NPC1: variants seen among roughly 807,000 people sequenced by gnomAD.
NPC1 encodes Niemann-Pick C1 protein.
Under a neutral mutation model 140.4 loss-of-function variants are expected in NPC1, and 85 were observed. The observed-to-expected ratio is 0.61, with a 90% CI of 0.51 to 0.72. The LOEUF is 0.72. Among genes scored for constraint, NPC1 ranks in the 30% least tolerant of loss-of-function variants. NPC1 has a pLI of 0.00. For synonymous variants in NPC1, 656 were observed against 624.8 expected (o/e 1.05, Z -0.74); for missense variants, 1,504 against 1,623.8 (o/e 0.93, Z 1.27).
At chr18:23,544,296 C>T (rs930197810) in intron 13 of NPC1, 48 bp downstream of exon 13, 12 of 1,584,478 alleles carry the variant, frequency 7.6e-6, no homozygotes, top group Non-Finnish European at 1.0e-5. Context: ...ATTCACAGTC[C>T]CTGAAACTTG....
chr18:23,538,061 G>C (rs11665096), intron 20 of NPC1, among the ~76,000 whole-genome samples: 72,322 of 151,982 alleles, frequency 0.48, 17,521 homozygotes, highest in East Asian at 0.63. Context: ...CTGGCTGGAT[G>C]GGGGAGTGAG....
Position 23,572,180 on chromosome 18 carries a change from C to T in NPC1, c.181G>A (p.Glu61Lys). Residue 61 changes from glutamate (E) to lysine (K), a missense_variant and splice_region_variant, in exon 3 of 25, where the codon GAA (glutamate) becomes AAA (lysine). Coordinates refer to ENST00000269228, the MANE Select transcript of NPC1 (RefSeq NM_000271.5). ...LPKDGYDLVQ[E>K]LCPGFFFGNV... is the part of the protein sequence containing the mutation. ...CCAAAGAAGAATCCTGGACAGAGTT[C>T]CTTTCAGGTGAAAGAGCACAGACAC... is the stretch of plus-strand genomic sequence containing the variant. 6.2e-7 allele frequency: 1 copy of T among 1,611,200 alleles called. No individual in the cohort carries two copies. Among genetic ancestry groups the T allele is most frequent in the Non-Finnish European group, 8.5e-7 (1 of 1,177,806 alleles).
rs1423591589 is a variant in NPC1, at chr18:23,538,634, A to T, written c.2949T>A (p.Thr983=). The change falls in exon 20 of 25, where the codon ACT becomes ACA. Residue 983 remains threonine (T), a synonymous_variant. Coordinates refer to ENST00000269228, the MANE Select transcript of NPC1 (RefSeq NM_000271.5). The stretch of plus-strand genomic sequence containing the variant: ...CCTGAGGCCTCTGTTTGCCTTCCGG[A>T]GTCAGAGGCCTGCAGCGAACGCAGG... ...DPACVRCRPL[T]PEGKQRPQGG... is the part of the protein sequence containing the mutation. 2.5e-6 allele frequency: 4 copies of T among 1,614,180 alleles called. No individual in the cohort carries two copies. In the South Asian group the frequency reaches 4.4e-5, roughly 18 times the overall value.
At chr18:23,559,439 T>C (rs976336252) in intron 6 of NPC1, among the ~76,000 whole-genome samples, 2 of 151,394 alleles carry the variant, frequency 1.3e-5, no homozygotes, top group African/African-American at 4.8e-5. Flanking sequence ...CTAAAAGGAC[T>C]ATAGTACTCC....
At chr18:23,523,147 G>T (rs1243846386) in intron 1 of NPC1, among the ~76,000 whole-genome samples, 3 of 152,216 alleles carry the variant, frequency 2.0e-5, no homozygotes, top group African/African-American at 7.2e-5. Context: ...GCCAAAGCTT[G>T]TCTGCCTGGG....
Position 23,560,266 on chromosome 18 carries a change from C to A in NPC1, c.846G>T (p.Val282=). The change falls in exon 6 of 25, where the codon GTG becomes GTT. Residue 282 remains valine, a synonymous_variant. Coordinates refer to ENST00000269228, the MANE Select transcript of NPC1 (RefSeq NM_000271.5). The part of the protein sequence containing the change: ...MWITYMAFLL[V]FFGAFFAVWC... ...ACACTGCAAAAAATGCTCCAAAAAA[C>A]ACAAGCAAAAACGCCATGTAGGTGA... 2 of 1,614,202 alleles carry A rather than the reference C, an allele frequency of 1.2e-6. No homozygotes were observed. Among genetic ancestry groups the A allele is most frequent in the Non-Finnish European group, 8.5e-7 (1 of 1,180,042 alleles).
chr18:23,525,900 G>C (rs1234638964), downstream of NPC1, among the ~76,000 whole-genome samples: 2 of 152,308 alleles, frequency 1.3e-5, no homozygotes, highest in African/African-American at 4.8e-5. Context: ...TGATGCTGTA[G>C]GCATCCACTG....
At chr18:23,510,268 T>C (rs940207104) in intron 3 of NPC1, among the ~76,000 whole-genome samples, 1 of 150,868 alleles carries the variant, frequency 6.6e-6, no homozygotes, top group Non-Finnish European at 1.5e-5. Flanking sequence ...GAGGTTGCAG[T>C]GAGCCAAGAT....
chr18:23,531,344 G>C, downstream of NPC1: 1 of 379,070 alleles, frequency 2.6e-6, no homozygotes, highest in South Asian at 4.7e-5. Flanking sequence ...TCATCTTTAG[G>C]ATAGGGAAGG....
downstream of NPC1, among the ~76,000 whole-genome samples, chr18:23,527,360 G>A (rs550867087): frequency 6.6e-6 from 1 of 151,782 alleles, no homozygotes; most frequent in Non-Finnish European, 1.5e-5. Flanking sequence ...TTGTGTCAGT[G>A]TACCTCCAGC....
chr18:23,574,373 C>T (rs1375669692), intron 1 of NPC1, among the ~76,000 whole-genome samples: 2 of 152,094 alleles, frequency 1.3e-5, no homozygotes, highest in Non-Finnish European at 2.9e-5. Context: ...GGCCTGCAAT[C>T]GTCTGTTCTA....
rs199752342 is a variant in NPC1, at chr18:23,565,111, C to CT, written c.464-3585dup. On this transcript the variant is annotated intron_variant, in intron 4 of 24. Transcript: ENST00000269228. ...GAAGTGTGAGTCTTCCTATTTTGTT[C>CT]TTTTTTCAGGGTTGTTTTACTATTC... Among the ~76,000 whole-genome samples the CT allele has an allele frequency of 4.0e-3, 609 of 152,040 alleles. 6 individuals carry two copies. Among genetic ancestry groups the CT allele is most frequent in the African/African-American group, 0.014 (584 of 41,490 alleles).
Position 23,568,633 on chromosome 18 carries a change from C to T in NPC1, c.463+190G>A, listed in dbSNP as rs113021746. On this transcript the variant is annotated intron_variant, in intron 4 of 24. Coordinates refer to ENST00000269228, the MANE Select transcript of NPC1 (RefSeq NM_000271.5). ...TAAAGTTAGGGGGAGTTAAAGCAAG[C>T]GCTTTAAGGAGATTTTTATATTCGT... Among the ~76,000 whole-genome samples the T allele has an allele frequency of 5.0e-3, 764 of 152,150 alleles. 10 individuals are homozygous for T. The highest frequency in any genetic ancestry group is 0.017 in the African/African-American group (724 of 41,494).
intron 14 of NPC1, 101 bp from the exon 15 acceptor site, chr18:23,541,534 A>C: frequency 1.3e-6 from 2 of 1,490,926 alleles, no homozygotes; most frequent in East Asian, 2.3e-5. Flanking sequence ...GAGCCAGCAC[A>C]GGCCAAACGC....
In NPC1 at chr18:23,560,411, A is replaced by C. The variant is rs750990877; in HGVS notation, c.701T>G (p.Val234Gly). Reference protein sequence around the residue: ...TKGCDESVDEVTAPCSCQDCS... With the variant: ...TKGCDESVDEGTAPCSCQDCS... ...GTCTTGGCAGCTACATGGTGCTGTG[A>C]CCTCATCCACAGACTCGTCACAGCC... Residue 234 changes from valine (V) to glycine (G), a missense_variant, in exon 6 of 25, where the codon GTC becomes GGC. By Grantham distance (109) the Val-to-Gly change is moderately radical (BLOSUM62 -3). Transcript: ENST00000269228. 7 of 1,614,214 alleles carry C rather than the reference A, an allele frequency of 4.3e-6. No homozygotes were observed. Among genetic ancestry groups the C allele is most frequent in the Non-Finnish European group, 5.9e-6 (7 of 1,180,034 alleles).
At chr18:23,577,816 G>A (rs974514724) in intron 1 of NPC1, among the ~76,000 whole-genome samples, 4 of 152,262 alleles carry the variant, frequency 2.6e-5, no homozygotes, top group Non-Finnish European at 4.4e-5. Context: ...CGAGCGCAGC[G>A]CCGGTGGGCC....
chr18:23,538,575 A>T lies in NPC1; in HGVS notation c.3008T>A (p.Leu1003His). The change falls in exon 20 of 25, where the codon CTT (leucine) becomes CAT (histidine). Residue 1003 changes from leucine to histidine, a missense_variant. Physicochemically the swap from Leu to His is moderately conservative, Grantham distance 99. Coordinates refer to ENST00000269228, the MANE Select transcript of NPC1 (RefSeq NM_000271.5). ...ACACTTGGGGTTAGGGTTATCCGAAAGGAACATGGGCAGGAATCTCATGAA... is the reference window on the plus strand; with the variant it reads ...ACACTTGGGGTTAGGGTTATCCGAATGGAACATGGGCAGGAATCTCATGAA... Reference protein sequence around the residue: ...GDFMRFLPMFLSDNPNPKCGK... With the variant: ...GDFMRFLPMFHSDNPNPKCGK... The T allele has an allele frequency of 6.2e-7, 1 of 1,614,192 alleles. No individual in the cohort carries two copies. The highest frequency in any genetic ancestry group is 8.5e-7 in the Non-Finnish European group (1 of 1,180,030).
In NPC1 at chr18:23,556,388, T is replaced by C; in HGVS notation, c.1181A>G (p.Tyr394Cys). ...GAAAGGCCCAAAGTGCTGGTCAAAG[T>C]ACTCTTTTTCCAGGCGAGCCTGGCT... ...PSSQARLEKE[Y>C]FDQHFGPFFR... is the part of the protein sequence containing the mutation. Residue 394 changes from tyrosine to cysteine, a missense_variant, in exon 8 of 25, where the codon TAC becomes TGC. Transcript: ENST00000269228. 1 of 1,614,040 alleles carries C rather than the reference T, an allele frequency of 6.2e-7. No homozygotes were observed. The highest frequency in any genetic ancestry group is 8.5e-7 in the Non-Finnish European group (1 of 1,180,008).
At chr18:23,586,122 G>A (rs1200222632) in intron 1 of NPC1, among the ~76,000 whole-genome samples, 165 bp downstream of exon 1, 2 of 152,232 alleles carry the variant, frequency 1.3e-5, no homozygotes, top group African/African-American at 4.8e-5. Flanking sequence ...GAAAGAGAGC[G>A]TGGCCGGAGA....
Sources: gnomAD v4.1 joint callset for allele counts (sites outside exome capture counted in the v4.1 genomes callset) on GRCh38, gnomAD v4.1.1 for gene constraint, MANE v1.5 for transcripts, NCBI Gene and HGNC (gene_info 2026-07-23, HGNC 2026-07-21) for gene names.